RP1L1: variants seen among roughly 807,000 people sequenced by gnomAD.
The protein encoded by RP1L1 is retinitis pigmentosa 1-like 1 protein.
A neutral mutation model predicts 15.7 loss-of-function variants in RP1L1; 27 were observed. That is an observed-to-expected ratio of 1.72 (90% CI 1.27 to 2.38). RP1L1 has a LOEUF of 2.38. Ranked by LOEUF, RP1L1 falls within the 30% of genes most tolerant of loss-of-function variation. The probability of loss-of-function intolerance (pLI) is 0.00; values close to 1 mark genes in which losing one functional copy is unlikely to be tolerated. For synonymous variants in RP1L1, 1,813 were observed against 1,276.7 expected (o/e 1.42, Z -8.96); for missense variants, 4,798 against 3,075.9 (o/e 1.56, Z -13.24).
intron 1 of RP1L1, among the ~76,000 whole-genome samples, chr8:10,634,330 G>C (rs963573533): frequency 2.0e-5 from 3 of 152,130 alleles, no homozygotes; most frequent in African/African-American, 7.2e-5. Flanking sequence ...CTTGTGGGCA[G>C]AGCTGCAAGA....
intron 1 of RP1L1, among the ~76,000 whole-genome samples, chr8:10,637,186 A>G (rs539359201): frequency 1.3e-5 from 2 of 152,304 alleles, no homozygotes; most frequent in African/African-American, 4.8e-5. Flanking sequence ...CAATGCTCAC[A>G]GCAAGGCTGC....
intron 2 of RP1L1, chr8:10,621,515 A>G (rs1262426425): frequency 2.9e-6 from 1 of 342,462 alleles, no homozygotes; most frequent in Non-Finnish European, 5.8e-6. Flanking sequence ...TAGTAGATAT[A>G]GGGTTTCGCC....
In RP1L1 at chr8:10,610,589, G is replaced by T. The variant is rs774522259; in HGVS notation, c.3509C>A (p.Ser1170Ter). The T allele has an allele frequency of 5.6e-6, 9 of 1,613,622 alleles. No individual in the cohort carries two copies. Among genetic ancestry groups the T allele is most frequent in the Non-Finnish European group, 7.6e-6 (9 of 1,180,034 alleles). The change falls in exon 4 of 4, where the codon TCA becomes TAA. Residue 1170 changes from serine to a stop codon, truncating the protein, a stop_gained. Transcript: ENST00000382483. LOFTEE classifies it low-confidence loss of function (END_TRUNC). ...GCDVGEDQLD[S>*]GLWELTWSQA... Reference sequence around the variant, plus strand: ...GCTCCATGTGAGCTCCCAGAGGCCTGAGTCCAGCTGGTCTTCCCCAACGTC... The same window carrying T: ...GCTCCATGTGAGCTCCCAGAGGCCTTAGTCCAGCTGGTCTTCCCCAACGTC...
At chr8:10,641,702 A>G (rs1798410310) in intron 1 of RP1L1, among the ~76,000 whole-genome samples, 1 of 152,236 alleles carries the variant, frequency 6.6e-6, no homozygotes, top group Non-Finnish European at 1.5e-5. Flanking sequence ...TCACACAAAA[A>G]CTTGTAAAAA....
chr8:10,622,944 G>A lies in RP1L1; in HGVS notation c.258C>T (p.Gly86=), dbSNP rs751387632. The change falls in exon 2 of 4, where the codon GGC becomes GGT. Residue 86 remains glycine (G), a synonymous_variant. Transcript: ENST00000382483. ...GCTCCAGGGCGCTGAGGCTATGCAG[G>A]CCCCGGGGTGTGGTGACAGAGCGCA... ...FGVRSVTTPR[G]LHSLSALEQL... is the part of the protein sequence containing the mutation. 2.5e-6 allele frequency: 4 copies of A among 1,614,108 alleles called. No homozygotes were observed. The South Asian group carries it at 3.3e-5, about 13-fold the overall frequency.
chr8:10,641,715 T>C (rs1278645715), intron 1 of RP1L1, among the ~76,000 whole-genome samples: 1 of 152,202 alleles, frequency 6.6e-6, no homozygotes, highest in African/African-American at 2.4e-5. Context: ...TGTAAAAAAG[T>C]ATTCATAGCA....
chr8:10,611,768 G>C lies in RP1L1; in HGVS notation c.2330C>G (p.Pro777Arg). 6.2e-7 allele frequency: 1 copy of C among 1,613,658 alleles called. No individual in the cohort carries two copies. Among genetic ancestry groups the C allele is most frequent in the South Asian group, 1.1e-5 (1 of 91,084 alleles). ...TGAGCAGGAGTCGGATGTGTGGGGA[G>C]GTATGGGGGCCGGCGAGCATGTCCT... ...GSRTCSPAPI[P>R]PHTSDSCSKS... is the part of the protein sequence containing the mutation. Residue 777 changes from proline (P) to arginine (R), a missense_variant, in exon 4 of 4, where the codon CCT becomes CGT. Physicochemically the swap from Pro to Arg is moderately radical, Grantham distance 103. Coordinates refer to ENST00000382483, the MANE Select transcript of RP1L1 (RefSeq NM_178857.6).
At chr8:10,613,584 T>A (rs1193421000) in intron 3 of RP1L1, among the ~76,000 whole-genome samples, 1 of 114,110 alleles carries the variant, frequency 8.8e-6, no homozygotes, top group African/African-American at 3.5e-5. Context: ...GACAACTTAG[T>A]GAGACACCAT....
intron 1 of RP1L1, among the ~76,000 whole-genome samples, chr8:10,633,204 C>A (rs947488505): frequency 1.2e-4 from 19 of 152,178 alleles, no homozygotes; most frequent in African/African-American, 3.9e-4. Flanking sequence ...GGGCCGTGAG[C>A]CAGGAATGCT....
chr8:10,611,852 A>T lies in RP1L1; in HGVS notation c.2246T>A (p.Val749Asp), dbSNP rs758448988. 6.2e-7 allele frequency: 1 copy of T among 1,613,806 alleles called. No individual in the cohort carries two copies. Among genetic ancestry groups the T allele is most frequent in the South Asian group, 1.1e-5 (1 of 91,086 alleles). ...TVTPAVHSDFVSGVSPHNAPS... is the reference protein window; with the variant it reads ...TVTPAVHSDFDSGVSPHNAPS... Reference sequence around the variant, plus strand: ...AGCGTTGTGCGGGGAGACTCCAGAAACAAAATCCGAGTGGACTGCAGGGGT... The same window carrying T: ...AGCGTTGTGCGGGGAGACTCCAGAATCAAAATCCGAGTGGACTGCAGGGGT... Residue 749 changes from valine to aspartate, a missense_variant, in exon 4 of 4, where the codon GTT (valine) becomes GAT (aspartate). Val to Asp is a radical substitution (Grantham distance 152, BLOSUM62 -3). Coordinates refer to ENST00000382483, the MANE Select transcript of RP1L1 (RefSeq NM_178857.6).
At chr8:10,630,846 G>C (rs1216742696) in intron 1 of RP1L1, among the ~76,000 whole-genome samples, 1 of 152,236 alleles carries the variant, frequency 6.6e-6, no homozygotes, top group Non-Finnish European at 1.5e-5. Flanking sequence ...CCAACACGTG[G>C]TGTTAAGTCT....
chr8:10,610,258 A>C lies in RP1L1; in HGVS notation c.3840T>G (p.Ser1280Arg), dbSNP rs1247003228. 6.2e-7 allele frequency: 1 copy of C among 1,613,696 alleles called. No homozygotes were observed. The highest frequency in any genetic ancestry group is 1.3e-5 in the African/African-American group (1 of 74,734). The change falls in exon 4 of 4, where the codon AGT (serine) becomes AGG (arginine). Residue 1280 changes from serine to arginine, a missense_variant. By Grantham distance (110) the Ser-to-Arg change is moderately radical. Coordinates refer to ENST00000382483, the MANE Select transcript of RP1L1 (RefSeq NM_178857.6). ...GGTTCGAGCTCGCCCTCTGCTCCTC[A>C]CTGTCTCTTTCTGCTTCATCCTCAT... ...ATNEDEAERD[S>R]EEQRASSNLE...
chr8:10,641,152 G>C (rs1379115471), intron 1 of RP1L1, among the ~76,000 whole-genome samples: 3 of 152,188 alleles, frequency 2.0e-5, no homozygotes, highest in African/African-American at 7.2e-5. Context: ...CCCATCATGG[G>C]CCATGTTCTT....
intron 3 of RP1L1, among the ~76,000 whole-genome samples, chr8:10,615,159 A>C (rs1018725776): frequency 6.6e-6 from 1 of 152,112 alleles, no homozygotes; most frequent in African/African-American, 2.4e-5. Flanking sequence ...CACAGTGATC[A>C]CCGAGCCTGT....
Position 10,611,998 on chromosome 8 carries a change from T to A in RP1L1, c.2100A>T (p.Ser700=). Reference sequence around the variant, plus strand: ...ATGAGCTTCCAGAATATCGTGGCACTGAGCCATCCTGGCAGGCCCTTCGCC... The same window carrying A: ...ATGAGCTTCCAGAATATCGTGGCACAGAGCCATCCTGGCAGGCCCTTCGCC... ...PERRRACQDG[S]VPRYSGSSSS... Residue 700 remains serine (S), a synonymous_variant, in exon 4 of 4, where the codon TCA becomes TCT. Transcript: ENST00000382483. The A allele has an allele frequency of 6.2e-7, 1 of 1,613,800 alleles. No homozygotes were observed. The highest frequency in any genetic ancestry group is 8.5e-7 in the Non-Finnish European group (1 of 1,179,974).
chr8:10,631,795 C>G (rs939734512), intron 1 of RP1L1, among the ~76,000 whole-genome samples: 4 of 152,190 alleles, frequency 2.6e-5, no homozygotes, highest in Non-Finnish European at 4.4e-5. Flanking sequence ...CAGACGAAGA[C>G]CAAGGGCGAT....
rs1379487548 is a variant in RP1L1 at position 10,610,193 on chromosome 8, T to G, written c.3905A>C (p.Gln1302Pro). The G allele has an allele frequency of 2.6e-6, 4 of 1,550,628 alleles. No individual in the cohort carries two copies. The highest frequency in any genetic ancestry group is 3.5e-6 in the Non-Finnish European group (4 of 1,147,712). ...LAENTVQEEV[Q>P]LEETKEGTEG... The stretch of plus-strand genomic sequence containing the variant: ...TGTTCCTTCTTTAGTTTCCTCTAAT[T>G]GCACCTCTTCTTGCACTGTGTTTTC... The change falls in exon 4 of 4, where the codon CAA becomes CCA. Residue 1302 changes from glutamine (Q) to proline (P), a missense_variant. Physicochemically the swap from Gln to Pro is moderately conservative, Grantham distance 76 (BLOSUM62 -1). Coordinates refer to ENST00000382483, the MANE Select transcript of RP1L1 (RefSeq NM_178857.6).
intron 1 of RP1L1, among the ~76,000 whole-genome samples, chr8:10,648,262 C>T (rs571337677): frequency 1.3e-5 from 2 of 152,264 alleles, no homozygotes; most frequent in African/African-American, 4.8e-5. Context: ...GAACTCCTGA[C>T]CTCAGGTCAT....
At chr8:10,633,150 G>C (rs1342244642) in intron 1 of RP1L1, among the ~76,000 whole-genome samples, 1 of 152,226 alleles carries the variant, frequency 6.6e-6, no homozygotes, top group Non-Finnish European at 1.5e-5. Flanking sequence ...GATGAGGGAA[G>C]ACTGCTGGCC....
Sources: allele counts gnomAD v4.1 joint callset (sites outside exome capture counted in the v4.1 genomes callset), GRCh38; gene constraint gnomAD v4.1.1; transcripts MANE v1.5; gene names NCBI Gene and HGNC (gene_info 2026-07-23, HGNC 2026-07-21).